HSPBP1: variants seen among roughly 807,000 people sequenced by gnomAD.
HSPBP1 encodes the protein HSPA (Hsp70) binding protein 1.
HSPBP1 carries 31 observed loss-of-function variants against 41.7 expected under a neutral mutation model. The observed-to-expected ratio is 0.74, with a 90% CI of 0.56 to 1.00. The LOEUF (loss-of-function observed/expected upper bound fraction) is 1.00, where lower values mean the gene tolerates loss of function less well. Ranked by LOEUF, HSPBP1 falls within the 50% of genes least tolerant of loss-of-function variation. HSPBP1 has a pLI of 0.00. For synonymous variants in HSPBP1, 199 were observed against 214.4 expected (o/e 0.93, Z 0.63); for missense variants, 439 against 487.9 (o/e 0.90, Z 0.94).
chr19:55,277,417 T>G (rs1182576793), intron 3 of HSPBP1, among the ~76,000 whole-genome samples: 1 of 152,124 alleles, frequency 6.6e-6, no homozygotes, highest in Non-Finnish European at 1.5e-5. Context: ...CCCAGAGGAC[T>G]AGGAGAGAAA....
chr19:55,269,889 G>A (rs998742399), intron 4 of HSPBP1, among the ~76,000 whole-genome samples: 2 of 152,084 alleles, frequency 1.3e-5, no homozygotes, highest in South Asian at 2.1e-4. Context: ...TAGGTTCATC[G>A]ATTGTAATAA....
chr19:55,272,459 T>G lies in HSPBP1; in HGVS notation c.640+1939A>C, dbSNP rs1370417363. ...AAATCCTTAGAGGCAGTAAGTAGAT[T>G]CATGTTGCAGGGGCTGCGGGAGAGG... On this transcript the variant is annotated intron_variant, in intron 4 of 7. Transcript: ENST00000433386. The surrounding 1 kb of genome is among the most constrained non-coding windows in gnomAD (Gnocchi z 4.2). Among the ~76,000 whole-genome samples the G allele has an allele frequency of 6.6e-6, 1 of 152,144 alleles. No homozygotes were observed. Among genetic ancestry groups the G allele is most frequent in the Non-Finnish European group, 1.5e-5 (1 of 68,028 alleles).
intron 4 of HSPBP1, 55 bp downstream of exon 4, chr19:55,274,343 C>CCA: frequency 1.6e-6 from 1 of 639,920 alleles, no homozygotes; most frequent in Non-Finnish European, 2.6e-6. Flanking sequence ...GGGGCCCACC[C>CCA]GGCACCCCCC....
At chr19:55,275,084 G>A (rs780337842) in intron 3 of HSPBP1, among the ~76,000 whole-genome samples, 1 of 152,204 alleles carries the variant, frequency 6.6e-6, no homozygotes, top group Non-Finnish European at 1.5e-5. Flanking sequence ...CCACAGGGAC[G>A]CAGCTCTCTC....
chr19:55,274,364 G>GC, intron 4 of HSPBP1, 34 bp downstream of exon 4: 1 of 167,166 alleles, frequency 6.0e-6, no homozygotes, highest in Non-Finnish European at 9.5e-6. Context: ...CCCACCGCCA[G>GC]CACCCCTGTC....
chr19:55,262,236 G>C lies in HSPBP1; in HGVS notation c.*372C>G, dbSNP rs2087664184. 1 of 363,024 alleles carries C rather than the reference G, an allele frequency of 2.8e-6. No homozygotes were observed. The highest frequency in any genetic ancestry group is 9.3e-5 in the South Asian group (1 of 10,752). 22.5% of individuals were successfully genotyped at this position (363,024 alleles called of 1,614,324 possible). A position where few individuals can be genotyped will look rare whatever the true frequency, so the allele number is the denominator to read the frequency against. On this transcript the variant is annotated 3_prime_UTR_variant, in exon 8 of 8. Coordinates refer to ENST00000433386, the MANE Select transcript of HSPBP1 (RefSeq NM_012267.5). ...ACAATGGCTCTATAGATGATAAAGA[G>C]CAACACTTTTATTATTCTTCCAGTG...
Position 55,265,867 on chromosome 19 carries a change from T to C in HSPBP1, c.893+19A>G. The C allele has an allele frequency of 6.3e-7, 1 of 1,578,328 alleles. No homozygotes were observed. The highest frequency in any genetic ancestry group is 8.6e-7 in the Non-Finnish European group (1 of 1,163,274). Reference sequence around the variant, plus strand: ...GGGGCCCCCACCCCAGGCCCCGTCCTCTCAAGGAGCCAAAGTACCTGCACA... The same window carrying C: ...GGGGCCCCCACCCCAGGCCCCGTCCCCTCAAGGAGCCAAAGTACCTGCACA... On this transcript the variant is annotated intron_variant, in intron 6 of 7. Coordinates refer to ENST00000433386, the MANE Select transcript of HSPBP1 (RefSeq NM_012267.5).
intron 7 of HSPBP1, 77 bp from the exon 8 acceptor site, chr19:55,262,759 G>T (rs185990389): frequency 8.7e-5 from 120 of 1,386,386 alleles, no homozygotes; most frequent in Non-Finnish European, 1.2e-4. Flanking sequence ...TTGGCACCCA[G>T]AGGTGACTCC....
chr19:55,279,763 GCC>G, intron 1 of HSPBP1, 61 bp from the exon 2 acceptor site: 2 of 1,516,748 alleles, frequency 1.3e-6, no homozygotes, highest in South Asian at 2.4e-5. Flanking sequence ...AAACCACTCT[GCC>G]CCCAGCCCAC....
At chr19:55,277,294 C>T (rs1472791641) in intron 3 of HSPBP1, among the ~76,000 whole-genome samples, 2 of 152,230 alleles carry the variant, frequency 1.3e-5, no homozygotes, top group Non-Finnish European at 2.9e-5. Flanking sequence ...GAGATCATCC[C>T]ACAACTCTCA....
At chr19:55,274,337 C>A in intron 4 of HSPBP1, 61 bp downstream of exon 4, 2 of 728,962 alleles carry the variant, frequency 2.7e-6, no homozygotes, top group Non-Finnish European at 2.2e-6. Context: ...ATCCCGGGGG[C>A]CCACCCGGCA....
chr19:55,274,465 C>G lies in HSPBP1; in HGVS notation c.573G>C (p.Lys191Asn). 1 of 1,589,760 alleles carries G rather than the reference C, an allele frequency of 6.3e-7. No homozygotes were observed. Among genetic ancestry groups the G allele is most frequent in the Non-Finnish European group, 8.5e-7 (1 of 1,171,520 alleles). ...EQVLGLGALR[K>N]LLRLLDRDAC... ...CGTCGCGGTCCAGCAGCCGCAGCAG[C>G]TTACGCAGGGCACCCAGGCCCAGCA... Residue 191 changes from lysine to asparagine, a missense_variant, in exon 4 of 8, where the codon AAG (lysine) becomes AAC (asparagine). By Grantham distance (94) the Lys-to-Asn change is moderately conservative. Transcript: ENST00000433386.
chr19:55,263,812 A>C (rs1321522087), intron 7 of HSPBP1, among the ~76,000 whole-genome samples: 1 of 152,200 alleles, frequency 6.6e-6, no homozygotes, highest in East Asian at 1.9e-4. Context: ...GAGGGGCAGG[A>C]GAGAGACTTT....
chr19:55,274,345 G>GGCCCCCCCC, intron 4 of HSPBP1, 53 bp downstream of exon 4: 4 of 552,670 alleles, frequency 7.2e-6, no homozygotes, highest in Admixed American at 3.2e-5. Flanking sequence ...GGCCCACCCG[G>GGCCCCCCCC]CACCCCCCCC....
chr19:55,275,728 T>A (rs1253938861), intron 3 of HSPBP1, among the ~76,000 whole-genome samples: 1 of 151,676 alleles, frequency 6.6e-6, no homozygotes, highest in Non-Finnish European at 1.5e-5. Flanking sequence ...GGTGGGTGGA[T>A]CACGAGGTCA....
At position 55,270,233 on chromosome 19, in the gene HSPBP1, T is replaced by G. The variant is rs888481868; in HGVS notation, c.641-3947A>C. 6.6e-6 allele frequency among the ~76,000 whole-genome samples: 1 copy of G among 152,204 alleles called. No homozygotes were observed. The highest frequency in any genetic ancestry group is 2.4e-5 in the African/African-American group (1 of 41,464). ...TCTTGCCCTGCATCGTGCACAACTTTCGCTGGGGAAGCCGACCACCACGTG... is the reference window on the plus strand; with the variant it reads ...TCTTGCCCTGCATCGTGCACAACTTGCGCTGGGGAAGCCGACCACCACGTG... On this transcript the variant is annotated intron_variant, in intron 4 of 7. Coordinates refer to ENST00000433386, the MANE Select transcript of HSPBP1 (RefSeq NM_012267.5). The surrounding 1 kb of genome is among the most constrained non-coding windows in gnomAD (Gnocchi z 5.4).
At chr19:55,263,367 C>G (rs541974388) in intron 7 of HSPBP1, among the ~76,000 whole-genome samples, 2 of 152,298 alleles carry the variant, frequency 1.3e-5, no homozygotes, top group South Asian at 4.1e-4. Context: ...GTTGGGCACC[C>G]TCATGACTGG....
intron 3 of HSPBP1, among the ~76,000 whole-genome samples, chr19:55,276,344 G>C (rs2088072088): frequency 1.3e-5 from 2 of 152,174 alleles, no homozygotes; most frequent in Non-Finnish European, 2.9e-5. Flanking sequence ...TCTGGAAATA[G>C]AGGTGGTGTT....
chr19:55,262,264 TC>T lies in HSPBP1; in HGVS notation c.*343del, dbSNP rs1183031254. 1 of 627,540 alleles carries T rather than the reference TC, an allele frequency of 1.6e-6. No individual in the cohort carries two copies. The highest frequency in any genetic ancestry group is 1.9e-5 in the African/African-American group (1 of 51,526). The allele number at this position is 627,540 out of a possible 1,614,324, so 38.9% of individuals were successfully genotyped here. On this transcript the variant is annotated 3_prime_UTR_variant, in exon 8 of 8. Coordinates refer to ENST00000433386, the MANE Select transcript of HSPBP1 (RefSeq NM_012267.5). ...ACACTTTTATTATTCTTCCAGTGGCTCCCCAAGTCCCTTAAACCCGTGCCCC... is the reference window on the plus strand; with the variant it reads ...ACACTTTTATTATTCTTCCAGTGGCTCCCAAGTCCCTTAAACCCGTGCCCC...
Sources: allele counts gnomAD v4.1 joint callset (sites outside exome capture counted in the v4.1 genomes callset), GRCh38; gene constraint gnomAD v4.1.1; non-coding constraint Gnocchi (gnomAD v3.1); transcripts MANE v1.5; gene names NCBI Gene and HGNC (gene_info 2026-07-23, HGNC 2026-07-21).